Variants in SGCZ observed in about 807,000 individuals in gnomAD.
SGCZ encodes sarcoglycan zeta, also known as zeta-sarcoglycan.
SGCZ carries 40 observed loss-of-function variants against 41.3 expected under a neutral mutation model. The observed-to-expected ratio is 0.97, with a 90% CI of 0.75 to 1.26. The LOEUF (loss-of-function observed/expected upper bound fraction) is 1.26, where lower values mean the gene tolerates loss of function less well. Ranked by LOEUF, SGCZ falls within the 50% of genes most tolerant of loss-of-function variation. The pLI, the probability that SGCZ is intolerant of heterozygous loss-of-function variation, is 0.00. For synonymous variants in SGCZ, 206 were observed against 137.5 expected (o/e 1.50, Z -3.49); for missense variants, 552 against 369.8 (o/e 1.49, Z -4.04).
chr8:14,342,219 G>T (rs574563336), intron 2 of SGCZ, among the ~76,000 whole-genome samples: 3 of 152,158 alleles, frequency 2.0e-5, no homozygotes, highest in African/African-American at 7.2e-5. Context: ...CTCTTGTTAC[G>T]TTTTAGCAAA....
chr8:14,130,470 T>C (rs1803005278), intron 5 of SGCZ, among the ~76,000 whole-genome samples: 1 of 146,264 alleles, frequency 6.8e-6, no homozygotes, highest in Non-Finnish European at 1.5e-5. Context: ...GTTCCTGCCA[T>C]GTTTATTCCC....
At chr8:14,620,070 T>C (rs1193184973) in intron 1 of SGCZ, among the ~76,000 whole-genome samples, 1 of 152,156 alleles carries the variant, frequency 6.6e-6, no homozygotes, top group Non-Finnish European at 1.5e-5. Context: ...CAAAACAGCA[T>C]GGTACTGGTA....
At chr8:14,202,976 T>C (rs1371599198) in intron 4 of SGCZ, among the ~76,000 whole-genome samples, 4 of 152,236 alleles carry the variant, frequency 2.6e-5, no homozygotes, top group African/African-American at 9.6e-5. Flanking sequence ...CTCGTGATAG[T>C]AAATGAATCT....
intron 1 of SGCZ, among the ~76,000 whole-genome samples, chr8:14,956,423 A>G (rs1372372706): frequency 6.6e-6 from 1 of 152,130 alleles, no homozygotes; most frequent in Non-Finnish European, 1.5e-5. Context: ...GCTCTTTAGT[A>G]TATCAGACAT....
At chr8:15,011,670 C>G (rs1284363933) in intron 1 of SGCZ, among the ~76,000 whole-genome samples, 4 of 152,110 alleles carry the variant, frequency 2.6e-5, no homozygotes, top group Admixed American at 2.6e-4. Context: ...TAAATACTGT[C>G]TCCCCACAAA....
intron 2 of SGCZ, among the ~76,000 whole-genome samples, chr8:14,551,589 AATATATATT>A (rs1194041409): frequency 0.021 from 720 of 33,934 alleles, 59 homozygotes; most frequent in African/African-American, 0.085. Flanking sequence ...TAATATATAT[AATATATATT>A]ATATATATTA....
At position 14,438,591 on chromosome 8, in the gene SGCZ, G is replaced by C. The variant is rs1269505652; in HGVS notation, c.235-114387C>G. On this transcript the variant is annotated intron_variant, in intron 2 of 7. Coordinates refer to ENST00000382080, the MANE Select transcript of SGCZ (RefSeq NM_139167.4). Reference sequence around the variant, plus strand: ...TAAAAAGTGTTCCTAGAGGGAATTAGGAAAGAAAAATTGATTTGTAATGGA... The same window carrying C: ...TAAAAAGTGTTCCTAGAGGGAATTACGAAAGAAAAATTGATTTGTAATGGA... Among the ~76,000 whole-genome samples the C allele has an allele frequency of 2.6e-5, 4 of 151,832 alleles. No individual in the cohort carries two copies. The South Asian group carries it at 6.2e-4, about 24-fold the overall frequency.
chr8:14,753,146 G>A (rs1351628529), intron 1 of SGCZ, among the ~76,000 whole-genome samples: 1 of 152,022 alleles, frequency 6.6e-6, no homozygotes, highest in Non-Finnish European at 1.5e-5. Flanking sequence ...CTATAATAAT[G>A]GGCTCTATCC....
intron 5 of SGCZ, among the ~76,000 whole-genome samples, chr8:14,146,527 A>C (rs187754509): frequency 2.0e-3 from 298 of 152,286 alleles, no homozygotes; most frequent in African/African-American, 7.0e-3. Context: ...TAGTAAGTAA[A>C]CAGAAAAACA....
intron 2 of SGCZ, among the ~76,000 whole-genome samples, chr8:14,492,661 G>T (rs1176926017): frequency 1.3e-5 from 2 of 152,040 alleles, no homozygotes; most frequent in Non-Finnish European, 2.9e-5. Flanking sequence ...TGATCTCAAG[G>T]CCACTGCTAC....
At chr8:15,213,596 A>G (rs531167347) in intron 1 of SGCZ, among the ~76,000 whole-genome samples, 2 of 151,836 alleles carry the variant, frequency 1.3e-5, no homozygotes, top group South Asian at 4.2e-4. Flanking sequence ...TTGCTTTTAT[A>G]AGATATCTAA....
chr8:15,213,806 C>T (rs11203688), intron 1 of SGCZ, among the ~76,000 whole-genome samples: 135,901 of 151,826 alleles, frequency 0.9, 61,033 homozygotes, highest in Non-Finnish European at 0.94. Flanking sequence ...TTTATAATTA[C>T]TAGAATACTC....
chr8:15,190,024 C>G (rs941746104), intron 1 of SGCZ, among the ~76,000 whole-genome samples: 1 of 152,108 alleles, frequency 6.6e-6, no homozygotes, highest in Non-Finnish European at 1.5e-5. Context: ...TTTCTTGTCA[C>G]TCTCCACCAA....
intron 4 of SGCZ, among the ~76,000 whole-genome samples, chr8:14,234,864 G>T (rs1170336563): frequency 6.6e-6 from 1 of 152,060 alleles, no homozygotes; most frequent in African/African-American, 2.4e-5. Flanking sequence ...TACACTTTCT[G>T]TGTTGTGTTT....
At position 14,800,999 on chromosome 8, in the gene SGCZ, G is replaced by C; in HGVS notation, c.40-246073C>G. 2.0e-5 allele frequency among the ~76,000 whole-genome samples: 3 copies of C among 152,226 alleles called. No homozygotes were observed. The Middle Eastern group carries it at 0.01, about 518-fold the overall frequency. ...ATCAAGAACAAAGGAAACTAGCTCCGAATACCAGGTTAACTTTATAACTAT... is the reference window on the plus strand; with the variant it reads ...ATCAAGAACAAAGGAAACTAGCTCCCAATACCAGGTTAACTTTATAACTAT... On this transcript the variant is annotated intron_variant, in intron 1 of 7. Transcript: ENST00000382080.
At chr8:15,166,356 T>C (rs1184558309) in intron 1 of SGCZ, among the ~76,000 whole-genome samples, 9 of 151,650 alleles carry the variant, frequency 5.9e-5, no homozygotes. Context: ...CACACCATTC[T>C]CCTGCCTCAG....
In SGCZ at chr8:14,780,925, A is replaced by C. The variant is rs189035079; in HGVS notation, c.40-225999T>G. On this transcript the variant is annotated intron_variant, in intron 1 of 7. Transcript: ENST00000382080. ...TTTTCAAAGTTAAAGAAAATGAGTA[A>C]GCAAAATTTCTGTTGCCAAAGATAC... 4.5e-3 allele frequency among the ~76,000 whole-genome samples: 685 copies of C among 152,330 alleles called. 1 individual carries two copies. The highest frequency in any genetic ancestry group is 0.011 in the East Asian group (57 of 5,174).
chr8:14,491,219 A>G (rs1234591204), intron 2 of SGCZ, among the ~76,000 whole-genome samples: 2 of 152,106 alleles, frequency 1.3e-5, no homozygotes, highest in Non-Finnish European at 2.9e-5. Flanking sequence ...CCAAAGCCCT[A>G]ATGGCGATAC....
At chr8:14,801,766 C>CA (rs1177656153) in intron 1 of SGCZ, among the ~76,000 whole-genome samples, 4 of 152,094 alleles carry the variant, frequency 2.6e-5, no homozygotes, top group African/African-American at 9.6e-5. Flanking sequence ...GATTCACTGA[C>CA]AAAAAATCAA....
Sources: allele counts gnomAD v4.1 joint callset (sites outside exome capture counted in the v4.1 genomes callset), GRCh38; gene constraint gnomAD v4.1.1; transcripts MANE v1.5; gene names NCBI Gene and HGNC (gene_info 2026-07-23, HGNC 2026-07-21).